The following ACAN variants were observed in gnomAD, a reference collection of about 807,000 sequenced individuals.
ACAN encodes aggrecan core protein.
ACAN carries 47 observed loss-of-function variants against 169.1 expected under a neutral mutation model. The ratio of observed to expected loss-of-function variants is 0.28; its 90% CI spans 0.22 to 0.35. The LOEUF is 0.35. Among genes scored for constraint, ACAN ranks in the 10% least tolerant of loss-of-function variants. The probability of loss-of-function intolerance (pLI) is 1.00; values close to 1 mark genes in which losing one functional copy is unlikely to be tolerated. For missense variants in ACAN, 2,716 were observed against 2,759.9 expected, an observed-to-expected ratio of 0.98 and a Z score of 0.36; for synonymous variants, 1,115 against 1,112.2, an observed-to-expected ratio of 1.00 and a Z score of -0.05.
In ACAN at chr15:88,858,486, T is replaced by C. The variant is rs754771797; in HGVS notation, c.5901T>C (p.Ala1967=). The change falls in exon 12 of 19, where the codon GCT becomes GCC. Residue 1967 remains alanine, a synonymous_variant. Coordinates refer to ENST00000560601, the MANE Select transcript of ACAN (RefSeq NM_001369268.1). The surrounding 1 kb of genome is among the most constrained non-coding windows in gnomAD (Gnocchi z 4.0). The part of the protein sequence containing the change: ...GPSGILELSG[A]HSGAPDMSGE... ...CTGGCATTTTAGAACTCAGTGGTGC[T>C]CATTCTGGAGCACCAGACATGTCTG... The C allele has an allele frequency of 3.1e-6, 5 of 1,613,644 alleles. No homozygotes were observed. In the East Asian group the frequency reaches 8.9e-5, roughly 29 times the overall value.
chr15:88,868,731 C>A lies in ACAN; in HGVS notation c.7060+402C>A, dbSNP rs867297572. Among the ~76,000 whole-genome samples, 2 of 152,164 alleles carry A rather than the reference C, an allele frequency of 1.3e-5. No homozygotes were observed. Among genetic ancestry groups the A allele is most frequent in the South Asian group, 2.1e-4 (1 of 4,834 alleles). ...CTCAGTGTGGTCATGGGCATGGGAC[C>A]TTTGTGGTTCCTTCATGGCCCTGGG... On this transcript the variant is annotated intron_variant, in intron 14 of 18. Coordinates refer to ENST00000560601, the MANE Select transcript of ACAN (RefSeq NM_001369268.1). The surrounding 1 kb of genome is among the most constrained non-coding windows in gnomAD (Gnocchi z 5.2).
chr15:88,805,323 C>T (rs955076857), intron 1 of ACAN, among the ~76,000 whole-genome samples: 1 of 152,088 alleles, frequency 6.6e-6, no homozygotes, highest in Non-Finnish European at 1.5e-5. Context: ...AACCCTGAAG[C>T]TCGTTGGGGG....
In ACAN at chr15:88,841,737, C is replaced by T. The variant is rs368372715; in HGVS notation, c.630-3C>T. 31 of 1,613,844 alleles carry T rather than the reference C, an allele frequency of 1.9e-5. No individual in the cohort carries two copies. Among genetic ancestry groups the T allele is most frequent in the African/African-American group, 6.7e-5 (5 of 74,992 alleles). ...TCACACCTCCATTTCGGGTTCCTGGCAGATACCCCATCCACACTCCCCGGG... is the reference window on the plus strand; with the variant it reads ...TCACACCTCCATTTCGGGTTCCTGGTAGATACCCCATCCACACTCCCCGGG... On this transcript the variant is annotated splice_polypyrimidine_tract_variant and splice_region_variant and intron_variant, in intron 4 of 18. Coordinates refer to ENST00000560601, the MANE Select transcript of ACAN (RefSeq NM_001369268.1).
At chr15:88,831,109 G>C (rs1291030525) in intron 1 of ACAN, among the ~76,000 whole-genome samples, 1 of 152,212 alleles carries the variant, frequency 6.6e-6, no homozygotes, top group Non-Finnish European at 1.5e-5. Flanking sequence ...ATCATAACCA[G>C]TTTCAAACTA....
intron 12 of ACAN, 132 bp downstream of exon 12, chr15:88,859,549 G>A: frequency 1.6e-6 from 2 of 1,249,216 alleles, no homozygotes; most frequent in Non-Finnish European, 2.3e-6. Context: ...GCAGCCTCAG[G>A]CAATAGTCTT....
Position 88,871,927 on chromosome 15 carries a change from G to T in ACAN, c.7220-76G>T. ...CCTCCTTTCCTCCTCCATCCCCTCT[G>T]CCTCCGTGAGCTCAAGTTTCTCAGA... On this transcript the variant is annotated intron_variant, in intron 15 of 18. Coordinates refer to ENST00000560601, the MANE Select transcript of ACAN (RefSeq NM_001369268.1). This position sits in a 1 kb window ranked among gnomAD's most constrained non-coding sequence, Gnocchi z 7.8. 7.6e-7 allele frequency: 1 copy of T among 1,315,066 alleles called. No individual in the cohort carries two copies. Among genetic ancestry groups the T allele is most frequent in the African/African-American group, 1.4e-5 (1 of 69,776 alleles). The allele number at this position is 1,315,066 out of a possible 1,614,324, so 81.5% of individuals were successfully genotyped here.
At chr15:88,819,289 AGGTCTTTGAGG>A (rs1227766161) in intron 1 of ACAN, among the ~76,000 whole-genome samples, 2 of 152,020 alleles carry the variant, frequency 1.3e-5, no homozygotes, top group East Asian at 3.9e-4. Context: ...TGTTAGAGGG[AGGTCTTTGAGG>A]GGCTTAGGGA....
rs1253643737 is a variant in ACAN, at chr15:88,873,782, C to T, written c.7448-60C>T. On this transcript the variant is annotated intron_variant, in intron 17 of 18. Coordinates refer to ENST00000560601, the MANE Select transcript of ACAN (RefSeq NM_001369268.1). The surrounding 1 kb of genome is among the most constrained non-coding windows in gnomAD (Gnocchi z 7.5). ...CCCCCACAGTGCCTCGGGTCACAAC[C>T]AGCATAGGTCATCCCAGGAGACCCT... is the stretch of plus-strand genomic sequence containing the variant. 2 of 1,562,154 alleles carry T rather than the reference C, an allele frequency of 1.3e-6. No individual in the cohort carries two copies. Among genetic ancestry groups the T allele is most frequent in the Admixed American group, 1.8e-5 (1 of 56,398 alleles).
In ACAN at chr15:88,814,164, T is replaced by C. The variant is rs547691078; in HGVS notation, c.-8+10355T>C. Among the ~76,000 whole-genome samples the C allele has an allele frequency of 1.6e-4, 24 of 152,252 alleles. 1 individual carries two copies. Among genetic ancestry groups the C allele is most frequent in the Non-Finnish European group, 3.1e-4 (21 of 68,042 alleles). Reference sequence around the variant, plus strand: ...CCTTGACAGAGTTGATTAGTCTTGCTGTGCCTCGTTTTCCTCATCTGTGAA... The same window carrying C: ...CCTTGACAGAGTTGATTAGTCTTGCCGTGCCTCGTTTTCCTCATCTGTGAA... On this transcript the variant is annotated intron_variant, in intron 1 of 18. Coordinates refer to ENST00000560601, the MANE Select transcript of ACAN (RefSeq NM_001369268.1). This position sits in a 1 kb window ranked among gnomAD's most constrained non-coding sequence, Gnocchi z 4.0.
At chr15:88,837,044 G>C (rs540844487) in intron 2 of ACAN, among the ~76,000 whole-genome samples, 14 of 152,340 alleles carry the variant, frequency 9.2e-5, no homozygotes, top group East Asian at 1.9e-4. Flanking sequence ...GGGGTCCCAG[G>C]ATGCCCAGAA....
intron 1 of ACAN, among the ~76,000 whole-genome samples, chr15:88,831,330 A>G (rs1202041206): frequency 6.6e-6 from 1 of 152,346 alleles, no homozygotes; most frequent in East Asian, 1.9e-4. Context: ...CAATACAGCC[A>G]TGCACATCAC....
chr15:88,853,757 CAT>C (rs1896984192), intron 11 of ACAN, among the ~76,000 whole-genome samples: 1 of 53,326 alleles, frequency 1.9e-5, no homozygotes. Context: ...TAGATAGATA[CAT>C]ACATACATAC....
intron 1 of ACAN, among the ~76,000 whole-genome samples, chr15:88,826,021 C>G (rs1480369105): frequency 1.3e-5 from 2 of 152,204 alleles, no homozygotes; most frequent in Non-Finnish European, 2.9e-5. Context: ...CACCCCTCTC[C>G]CTGTCCCTCT....
At position 88,840,169 on chromosome 15, in the gene ACAN, G is replaced by A. The variant is rs1026377926; in HGVS notation, c.612G>A (p.Leu204=). 1.2e-6 allele frequency: 2 copies of A among 1,600,206 alleles called. No individual in the cohort carries two copies. The highest frequency in any genetic ancestry group is 1.7e-6 in the Non-Finnish European group (2 of 1,174,796). ...TCCACCAGTGTGACGCCGGCTGGCT[G>A]GCTGACCAGACTGTCAGGTGAGCCC... ...DGFHQCDAGW[L]ADQTVRYPIH... Residue 204 remains leucine, a synonymous_variant, in exon 4 of 19, where the codon CTG becomes CTA. Transcript: ENST00000560601.
At chr15:88,824,903 C>G (rs1896173801) in intron 1 of ACAN, among the ~76,000 whole-genome samples, 1 of 150,626 alleles carries the variant, frequency 6.6e-6, no homozygotes. Flanking sequence ...AAAAAAAAAG[C>G]TATAAATAGA....
intron 1 of ACAN, among the ~76,000 whole-genome samples, chr15:88,825,120 T>C (rs1221172557): frequency 1.3e-5 from 2 of 152,058 alleles, no homozygotes; most frequent in Non-Finnish European, 2.9e-5. Flanking sequence ...GGTTGAGGGT[T>C]TGGGGAATAG....
chr15:88,851,680 T>C lies in ACAN; in HGVS notation c.2027-114T>C. The C allele has an allele frequency of 1.5e-6, 2 of 1,305,286 alleles. No individual in the cohort carries two copies. The highest frequency in any genetic ancestry group is 2.1e-6 in the Non-Finnish European group (2 of 970,322). The allele number at this position is 1,305,286 out of a possible 1,614,324, so 80.9% of individuals were successfully genotyped here. A position where few individuals can be genotyped will look rare whatever the true frequency, so the allele number is the denominator to read the frequency against. ...GAAGGCAAACAGCCATCTGCTGAAC[T>C]AGGAGGTGGGGCCTGGCCACCTCAG... On this transcript the variant is annotated intron_variant, in intron 10 of 18. Coordinates refer to ENST00000560601, the MANE Select transcript of ACAN (RefSeq NM_001369268.1). The surrounding 1 kb of genome is among the most constrained non-coding windows in gnomAD (Gnocchi z 4.3).
chr15:88,856,903 A>T lies in ACAN; in HGVS notation c.4318A>T (p.Thr1440Ser), dbSNP rs1897059594. The change falls in exon 12 of 19, where the codon ACT becomes TCT. Residue 1440 changes from threonine to serine, a missense_variant. Coordinates refer to ENST00000560601, the MANE Select transcript of ACAN (RefSeq NM_001369268.1). ...SGLPSGEVLE[T>S]TAPGVEEISG... Reference sequence around the variant, plus strand: ...GCTTCCTTCTGGAGAAGTTCTAGAGACTACTGCCCCTGGAGTAGAGGAGAT... The same window carrying T: ...GCTTCCTTCTGGAGAAGTTCTAGAGTCTACTGCCCCTGGAGTAGAGGAGAT... 2 of 1,591,458 alleles carry T rather than the reference A, an allele frequency of 1.3e-6. No individual in the cohort carries two copies. Among genetic ancestry groups the T allele is most frequent in the African/African-American group, 2.7e-5 (2 of 73,506 alleles).
At chr15:88,850,933 G>A (rs1422730874) in intron 10 of ACAN, 1 of 146,056 alleles carries the variant, frequency 6.8e-6, no homozygotes, top group African/African-American at 2.6e-5. Context: ...AGCAGAGCAA[G>A]ACTCTGTCTC....
Sources: allele counts gnomAD v4.1 joint callset (sites outside exome capture counted in the v4.1 genomes callset), GRCh38; gene constraint gnomAD v4.1.1; non-coding constraint Gnocchi (gnomAD v3.1); transcripts MANE v1.5; gene names NCBI Gene and HGNC (gene_info 2026-07-23, HGNC 2026-07-21).